RAB23: variants seen among roughly 807,000 people sequenced by gnomAD.
RAB23 encodes the protein ras-related protein Rab-23.
A neutral mutation model predicts 30.0 loss-of-function variants in RAB23; 15 were observed. That is an observed-to-expected ratio of 0.50 (90% CI 0.33 to 0.77). The LOEUF is 0.77. Among genes scored for constraint, RAB23 ranks in the 30% least tolerant of loss-of-function variants. The probability of loss-of-function intolerance (pLI) is 0.02; values close to 1 mark genes in which losing one functional copy is unlikely to be tolerated. For missense variants in RAB23, 243 were observed against 275.4 expected (o/e 0.88, Z 0.83); for synonymous variants, 93 against 94.0 (o/e 0.99, Z 0.06).
intron 2 of RAB23, among the ~76,000 whole-genome samples, chr6:57,208,452 GC>G (rs1765525949): frequency 6.6e-6 from 1 of 150,734 alleles, no homozygotes; most frequent in Non-Finnish European, 1.5e-5. Context: ...TTCAGTACCA[GC>G]CTGGCCAACA....
At chr6:57,202,197 C>T (rs1337009791) in intron 3 of RAB23, among the ~76,000 whole-genome samples, 2 of 152,060 alleles carry the variant, frequency 1.3e-5, no homozygotes, top group Non-Finnish European at 2.9e-5. Flanking sequence ...CTTTCTAGCC[C>T]TTACCTTCTC....
chr6:57,212,296 C>G (rs1385480025), intron 1 of RAB23, among the ~76,000 whole-genome samples: 1 of 152,218 alleles, frequency 6.6e-6, no homozygotes, highest in Non-Finnish European at 1.5e-5. Context: ...GGCTCCCCAT[C>G]AGACTAGCTG....
At position 57,190,410 on chromosome 6, in the gene RAB23, T is replaced by G; in HGVS notation, c.*51A>C. Reference sequence around the variant, plus strand: ...TAACATACCATGACAGCTGGATGGGTTTCTTAATGCATTGCACAATGTAAT... The same window carrying G: ...TAACATACCATGACAGCTGGATGGGGTTCTTAATGCATTGCACAATGTAAT... On this transcript the variant is annotated 3_prime_UTR_variant, in exon 7 of 7. Transcript: ENST00000468148. 6.2e-7 allele frequency: 1 copy of G among 1,601,716 alleles called. No homozygotes were observed.
chr6:57,210,439 C>T lies in RAB23; in HGVS notation c.-59G>A, dbSNP rs1271748106. On this transcript the variant is annotated 5_prime_UTR_variant, in exon 2 of 7. Coordinates refer to ENST00000468148, the MANE Select transcript of RAB23 (RefSeq NM_016277.5). The stretch of plus-strand genomic sequence containing the variant: ...AATTCTAGGAGATCAGATCTTCCCT[C>T]TCAAATCTGTGGTTTAAAATGAAAT... 5.9e-6 allele frequency: 9 copies of T among 1,519,108 alleles called. No homozygotes were observed. Among genetic ancestry groups the T allele is most frequent in the Non-Finnish European group, 8.2e-6 (9 of 1,095,746 alleles). The allele number at this position is 1,519,108 out of a possible 1,614,324, so 94.1% of individuals were successfully genotyped here. A position where few individuals can be genotyped will look rare whatever the true frequency, so the allele number is the denominator to read the frequency against.
intron 1 of RAB23, among the ~76,000 whole-genome samples, chr6:57,212,822 C>T (rs139394952): frequency 2.6e-5 from 4 of 152,094 alleles, no homozygotes; most frequent in East Asian, 1.9e-4. Flanking sequence ...AGTTCAAGGC[C>T]GCAGTGAGCC....
intron 6 of RAB23, among the ~76,000 whole-genome samples, chr6:57,191,045 A>G (rs546153223): frequency 1.3e-5 from 2 of 152,344 alleles, no homozygotes; most frequent in East Asian, 3.9e-4. Context: ...ACACTGAAGC[A>G]TTTCCTTCCT....
At chr6:57,206,988 G>A (rs147287774) in intron 3 of RAB23, among the ~76,000 whole-genome samples, 2 of 152,142 alleles carry the variant, frequency 1.3e-5, no homozygotes, top group African/African-American at 4.8e-5. Context: ...TTGTTACTGT[G>A]TTCTCTCACT....
chr6:57,199,956 G>A (rs1004115183), intron 3 of RAB23, among the ~76,000 whole-genome samples: 1 of 151,994 alleles, frequency 6.6e-6, no homozygotes, highest in Admixed American at 6.6e-5. Context: ...GTTCTTTTAT[G>A]TTTGGAAAAA....
At chr6:57,199,814 T>C (rs938920494) in intron 3 of RAB23, among the ~76,000 whole-genome samples, 1 of 152,148 alleles carries the variant, frequency 6.6e-6, no homozygotes, top group Non-Finnish European at 1.5e-5. Context: ...CTGGATTACT[T>C]TTTATGGATT....
intron 1 of RAB23, among the ~76,000 whole-genome samples, chr6:57,220,647 C>T (rs191032553): frequency 8.5e-5 from 13 of 152,170 alleles, no homozygotes; most frequent in East Asian, 5.8e-4. Context: ...AAGCTAACAT[C>T]GAAAGATTAC....
At chr6:57,197,048 T>C (rs151289837) in intron 3 of RAB23, among the ~76,000 whole-genome samples, 8 of 152,298 alleles carry the variant, frequency 5.3e-5, no homozygotes, top group Admixed American at 3.3e-4. Context: ...TCAGCGTAGA[T>C]TTAAGAAAAA....
At chr6:57,216,647 G>A (rs1234301804) in intron 1 of RAB23, among the ~76,000 whole-genome samples, 1 of 152,134 alleles carries the variant, frequency 6.6e-6, no homozygotes. Flanking sequence ...AGGAATAAAA[G>A]AGTGGCTGCT....
At chr6:57,193,571 CTG>C (rs1764917648) in intron 6 of RAB23, among the ~76,000 whole-genome samples, 1 of 152,116 alleles carries the variant, frequency 6.6e-6, no homozygotes, top group Non-Finnish European at 1.5e-5. Flanking sequence ...AGAAGAATAA[CTG>C]TTATAAAGTT....
intron 3 of RAB23, among the ~76,000 whole-genome samples, chr6:57,203,675 C>G (rs187474619): frequency 6.6e-6 from 1 of 152,248 alleles, no homozygotes; most frequent in East Asian, 1.9e-4. Context: ...TTAATCAATA[C>G]TGTCAAGGCT....
chr6:57,195,222 ATC>A (rs1362436636), intron 4 of RAB23, among the ~76,000 whole-genome samples: 2 of 151,974 alleles, frequency 1.3e-5, no homozygotes, highest in African/African-American at 2.4e-5. Flanking sequence ...AATTAATTTT[ATC>A]TCTTCCTGAG....
intron 1 of RAB23, among the ~76,000 whole-genome samples, chr6:57,213,844 G>C (rs2092129476): frequency 6.6e-6 from 1 of 151,998 alleles, no homozygotes; most frequent in Non-Finnish European, 1.5e-5. Flanking sequence ...ACTCTCTTGA[G>C]TCAAAGGACC....
At chr6:57,196,913 T>C (rs185949689) in intron 3 of RAB23, among the ~76,000 whole-genome samples, 3 of 152,312 alleles carry the variant, frequency 2.0e-5, no homozygotes, top group Admixed American at 2.0e-4. Flanking sequence ...CTCAAAAGCA[T>C]ACACATTCTT....
rs767420032 is a variant in RAB23, at chr6:57,207,727, T to G, written c.156-14A>C. On this transcript the variant is annotated splice_polypyrimidine_tract_variant and intron_variant, in intron 2 of 6. Transcript: ENST00000468148. ...TCATCATTAACTCTAAAACAAGAGA[T>G]GAATTTATTTCATATGTAAAGGAAA... 3 of 1,514,248 alleles carry G rather than the reference T, an allele frequency of 2.0e-6. No individual in the cohort carries two copies. Among genetic ancestry groups the G allele is most frequent in the Non-Finnish European group, 2.7e-6 (3 of 1,091,648 alleles). The allele number at this position is 1,514,248 out of a possible 1,614,324, so 93.8% of individuals were successfully genotyped here. A position where few individuals can be genotyped will look rare whatever the true frequency, so the allele number is the denominator to read the frequency against.
At chr6:57,201,544 A>T (rs1266460979) in intron 3 of RAB23, among the ~76,000 whole-genome samples, 4 of 152,234 alleles carry the variant, frequency 2.6e-5, no homozygotes, top group Admixed American at 6.5e-5. Context: ...GTCCTATCAC[A>T]TTCTTCAACA....
Sources: gnomAD v4.1 joint callset for allele counts (sites outside exome capture counted in the v4.1 genomes callset) on GRCh38, gnomAD v4.1.1 for gene constraint, MANE v1.5 for transcripts, NCBI Gene and HGNC (gene_info 2026-07-23, HGNC 2026-07-21) for gene names.